Variants in EPS15 observed in about 807,000 individuals in gnomAD.
EPS15 encodes epidermal growth factor receptor substrate 15.
EPS15 carries 72 observed loss-of-function variants against 113.8 expected under a neutral mutation model. The ratio of observed to expected loss-of-function variants is 0.63; its 90% CI spans 0.52 to 0.77. The LOEUF is 0.77. Ranked by LOEUF, EPS15 falls within the 30% of genes least tolerant of loss-of-function variation. The pLI, the probability that EPS15 is intolerant of heterozygous loss-of-function variation, is 0.00. For synonymous variants in EPS15, 344 were observed against 363.4 expected (o/e 0.95, Z 0.61); for missense variants, 1,048 against 1,045.8 (o/e 1.00, Z -0.03).
At chr1:51,431,011 CACACACACACACACACAA>C (rs547717824) in intron 12 of EPS15, among the ~76,000 whole-genome samples, 5,956 of 149,412 alleles carry the variant, frequency 0.04, 150 homozygotes, top group Non-Finnish European at 0.054. Flanking sequence ...CACACACACA[CACACACACACACACACAA>C]AAATAAAACT....
intron 1 of EPS15, among the ~76,000 whole-genome samples, chr1:51,495,615 A>C (rs1343584409): frequency 6.6e-6 from 1 of 152,154 alleles, no homozygotes; most frequent in Non-Finnish European, 1.5e-5. Context: ...AAGTGAACTA[A>C]GAAAACATAT....
chr1:51,508,203 G>GAA (rs1395943105), intron 1 of EPS15, among the ~76,000 whole-genome samples: 1 of 65,566 alleles, frequency 1.5e-5, no homozygotes, highest in African/African-American at 5.3e-5. Context: ...GAAAAGAAAA[G>GAA]AAAAGAAAAG....
chr1:51,406,772 G>A (rs183411759), intron 15 of EPS15, among the ~76,000 whole-genome samples: 6 of 152,152 alleles, frequency 3.9e-5, no homozygotes, highest in African/African-American at 7.2e-5. Context: ...TAAATGATAC[G>A]GATTTTTAAA....
At chr1:51,428,929 T>C (rs1369192684) in intron 12 of EPS15, among the ~76,000 whole-genome samples, 2 of 151,978 alleles carry the variant, frequency 1.3e-5, no homozygotes, top group Non-Finnish European at 2.9e-5. Context: ...AGTGTCTCTG[T>C]TTCCCAGGCT....
intron 1 of EPS15, among the ~76,000 whole-genome samples, chr1:51,497,444 A>C (rs529221697): frequency 1.3e-5 from 2 of 152,354 alleles, no homozygotes; most frequent in South Asian, 2.1e-4. Context: ...GAAAAAGCTC[A>C]ATATGACCTA....
chr1:51,453,195 A>G (rs550716412), intron 8 of EPS15, among the ~76,000 whole-genome samples: 1 of 152,322 alleles, frequency 6.6e-6, no homozygotes, highest in South Asian at 2.1e-4. Context: ...TGTACACATT[A>G]ACAGTCAGCA....
At chr1:51,507,920 G>T (rs1240793616) in intron 1 of EPS15, among the ~76,000 whole-genome samples, 2 of 152,006 alleles carry the variant, frequency 1.3e-5, no homozygotes, top group Non-Finnish European at 2.9e-5. Context: ...GCTCACGCCT[G>T]TATTTCCAGC....
At chr1:51,396,880 C>CTT (rs570495610) in intron 20 of EPS15, among the ~76,000 whole-genome samples, 1 of 145,094 alleles carries the variant, frequency 6.9e-6, no homozygotes. Context: ...CTTAATCTAT[C>CTT]TTTTTTTTTT....
chr1:51,354,725 A>T lies in EPS15; in HGVS notation c.*1975T>A, dbSNP rs1464679789. 5.4e-6 allele frequency: 1 copy of T among 184,670 alleles called. No individual in the cohort carries two copies. Among genetic ancestry groups the T allele is most frequent in the African/African-American group, 2.4e-5 (1 of 42,548 alleles). 11.4% of individuals were successfully genotyped at this position (184,670 alleles called of 1,614,324 possible). ...ATTTATATAATATATACATACTTTA[A>T]TATTATGTTGGTCCACGGGGTATAC... On this transcript the variant is annotated 3_prime_UTR_variant, in exon 25 of 25. Transcript: ENST00000371733.
chr1:51,356,639 A>T lies in EPS15; in HGVS notation c.*61T>A. ...CACAGGTAGTTTTGATACACATTGTAAATAGTTTCAGTATTCAGGAAGAAG... is the reference window on the plus strand; with the variant it reads ...CACAGGTAGTTTTGATACACATTGTTAATAGTTTCAGTATTCAGGAAGAAG... On this transcript the variant is annotated 3_prime_UTR_variant, in exon 25 of 25. Coordinates refer to ENST00000371733, the MANE Select transcript of EPS15 (RefSeq NM_001981.3). 2.8e-6 allele frequency: 4 copies of T among 1,449,374 alleles called. No individual in the cohort carries two copies. The South Asian group carries it at 3.7e-5, about 14-fold the overall frequency. 89.8% of individuals were successfully genotyped at this position (1,449,374 alleles called of 1,614,324 possible).
At position 51,403,547 on chromosome 1, in the gene EPS15, T is replaced by C. The variant is rs759320843; in HGVS notation, c.1678-15A>G. On this transcript the variant is annotated splice_polypyrimidine_tract_variant and intron_variant, in intron 16 of 24. Coordinates refer to ENST00000371733, the MANE Select transcript of EPS15 (RefSeq NM_001981.3). ...CTACTTCTTGCCTACAAAATATTAA[T>C]GCAAGTAGATTAACAATATACTTTT... 1 of 1,387,796 alleles carries C rather than the reference T, an allele frequency of 7.2e-7. No homozygotes were observed. Among genetic ancestry groups the C allele is most frequent in the Admixed American group, 2.0e-5 (1 of 49,810 alleles). The allele number at this position is 1,387,796 out of a possible 1,614,324, so 86.0% of individuals were successfully genotyped here.
At chr1:51,467,140 A>G (rs1654899266) in intron 5 of EPS15, among the ~76,000 whole-genome samples, 1 of 152,238 alleles carries the variant, frequency 6.6e-6, no homozygotes, top group Non-Finnish European at 1.5e-5. Flanking sequence ...ACATACTGTC[A>G]CCTATCAAAC....
At chr1:51,390,980 CT>C (rs1314058692) in intron 21 of EPS15, among the ~76,000 whole-genome samples, 3 of 152,080 alleles carry the variant, frequency 2.0e-5, no homozygotes, top group Non-Finnish European at 4.4e-5. Flanking sequence ...ACCCAAAGGA[CT>C]ATAAATCATG....
chr1:51,461,674 A>C (rs531314449), intron 7 of EPS15: 1 of 152,402 alleles, frequency 6.6e-6, no homozygotes, highest in African/African-American at 2.4e-5. Flanking sequence ...TAATAAAATA[A>C]CAACAGTGTA....
At chr1:51,406,578 T>C (rs1462811603) in intron 15 of EPS15, among the ~76,000 whole-genome samples, 1 of 152,232 alleles carries the variant, frequency 6.6e-6, no homozygotes, top group Non-Finnish European at 1.5e-5. Flanking sequence ...GAGAAAAGAT[T>C]CAGTAATTTC....
intron 21 of EPS15, among the ~76,000 whole-genome samples, chr1:51,376,899 C>A (rs190153698): frequency 6.6e-6 from 1 of 152,138 alleles, no homozygotes; most frequent in African/African-American, 2.4e-5. Flanking sequence ...GACAGCCATT[C>A]CTCTGATGGA....
At chr1:51,431,020 AC>A (rs1557462617) in intron 12 of EPS15, among the ~76,000 whole-genome samples, 32 of 134,512 alleles carry the variant, frequency 2.4e-4, no homozygotes, top group East Asian at 3.9e-4. Flanking sequence ...ACACACACAC[AC>A]ACACACAAAA....
intron 20 of EPS15, among the ~76,000 whole-genome samples, chr1:51,398,137 T>C (rs1648150515): frequency 6.6e-6 from 1 of 151,436 alleles, no homozygotes; most frequent in Non-Finnish European, 1.5e-5. Flanking sequence ...CACTGCAAGC[T>C]CCGCCTCCCG....
At chr1:51,363,009 G>A (rs1353569671) in intron 23 of EPS15, among the ~76,000 whole-genome samples, 1 of 151,940 alleles carries the variant, frequency 6.6e-6, no homozygotes, top group Non-Finnish European at 1.5e-5. Context: ...TATTAGAAAA[G>A]AGTCTTGGCC....
Sources: allele counts gnomAD v4.1 joint callset (sites outside exome capture counted in the v4.1 genomes callset), GRCh38; gene constraint gnomAD v4.1.1; transcripts MANE v1.5; gene names NCBI Gene and HGNC (gene_info 2026-07-23, HGNC 2026-07-21).